Variants in PDSS2 observed in about 807,000 individuals in gnomAD.
PDSS2 encodes the protein all trans-polyprenyl-diphosphate synthase PDSS2.
A neutral mutation model predicts 44.5 loss-of-function variants in PDSS2; 31 were observed. The observed-to-expected ratio is 0.70, with a 90% CI of 0.52 to 0.94. The LOEUF (loss-of-function observed/expected upper bound fraction) is 0.94, where lower values mean the gene tolerates loss of function less well. PDSS2 is among the 40% of genes least tolerant of loss of function. The pLI, the probability that PDSS2 is intolerant of heterozygous loss-of-function variation, is 0.00. For synonymous variants in PDSS2, 157 were observed against 180.3 expected (o/e 0.87, Z 1.03); for missense variants, 452 against 482.2 (o/e 0.94, Z 0.59).
intron 4 of PDSS2, among the ~76,000 whole-genome samples, chr6:107,229,507 T>C (rs1773963561): frequency 6.6e-6 from 1 of 152,154 alleles, no homozygotes; most frequent in African/African-American, 2.4e-5. Context: ...TCTAATCTAC[T>C]AAATAAAACT....
intron 1 of PDSS2, among the ~76,000 whole-genome samples, chr6:107,422,579 G>C (rs575430190): frequency 6.6e-6 from 1 of 151,810 alleles, no homozygotes; most frequent in East Asian, 1.9e-4. Context: ...AAAAAAAAGA[G>C]GATAATTAAC....
chr6:107,257,444 G>A (rs1333036769), intron 3 of PDSS2, among the ~76,000 whole-genome samples: 1 of 151,824 alleles, frequency 6.6e-6, no homozygotes, highest in Non-Finnish European at 1.5e-5. Flanking sequence ...AGGCTGAGGT[G>A]GAGGATTACC....
chr6:107,324,053 C>A (rs1169559136), intron 2 of PDSS2, among the ~76,000 whole-genome samples: 1 of 152,106 alleles, frequency 6.6e-6, no homozygotes, highest in Non-Finnish European at 1.5e-5. Context: ...TGACTTCTGA[C>A]GTACAGTATG....
intron 1 of PDSS2, among the ~76,000 whole-genome samples, chr6:107,376,934 C>T (rs1275252660): frequency 6.6e-6 from 1 of 151,714 alleles, no homozygotes; most frequent in Admixed American, 6.6e-5. Context: ...CCATAAAAAC[C>T]CTAGAAGAAA....
chr6:107,247,622 C>T (rs1180174954), intron 3 of PDSS2, among the ~76,000 whole-genome samples: 1 of 152,104 alleles, frequency 6.6e-6, no homozygotes, highest in Non-Finnish European at 1.5e-5. Context: ...GAAGTTGAAA[C>T]TGTTCCAGAT....
intron 1 of PDSS2, among the ~76,000 whole-genome samples, chr6:107,363,112 A>G (rs945689768): frequency 5.9e-5 from 9 of 152,232 alleles, no homozygotes; most frequent in Non-Finnish European, 1.0e-4. Context: ...GGCACAGAAA[A>G]TACTTGAAAA....
At chr6:107,440,616 C>T (rs1781486129) in intron 1 of PDSS2, among the ~76,000 whole-genome samples, 1 of 152,172 alleles carries the variant, frequency 6.6e-6, no homozygotes, top group South Asian at 2.1e-4. Context: ...AGGTTTTGTG[C>T]CCAGGGAAAG....
intron 1 of PDSS2, among the ~76,000 whole-genome samples, chr6:107,447,314 C>A (rs1167614976): frequency 1.3e-5 from 2 of 151,906 alleles, no homozygotes; most frequent in Non-Finnish European, 2.9e-5. Context: ...CCAGCCTGGG[C>A]GACAGAGTGA....
chr6:107,431,652 G>C (rs552073735), intron 1 of PDSS2, among the ~76,000 whole-genome samples: 2 of 151,862 alleles, frequency 1.3e-5, no homozygotes, highest in South Asian at 4.2e-4. Flanking sequence ...TATTTTTGTG[G>C]GTTCCTAAAA....
At chr6:107,337,245 G>A (rs1455926579) in intron 1 of PDSS2, among the ~76,000 whole-genome samples, 1 of 152,142 alleles carries the variant, frequency 6.6e-6, no homozygotes, top group African/African-American at 2.4e-5. Context: ...ATGAGGCACA[G>A]AGAGAAATCA....
intron 1 of PDSS2, among the ~76,000 whole-genome samples, chr6:107,362,398 A>C (rs552907552): frequency 9.2e-5 from 14 of 152,346 alleles, no homozygotes; most frequent in African/African-American, 3.4e-4. Flanking sequence ...TTGGTTGATC[A>C]CTAAGCTATG....
intron 1 of PDSS2, among the ~76,000 whole-genome samples, chr6:107,425,786 C>T (rs1780980568): frequency 6.6e-6 from 1 of 152,100 alleles, no homozygotes; most frequent in South Asian, 2.1e-4. Context: ...ATGGTGAAAC[C>T]CTGTCTCTAC....
intron 3 of PDSS2, among the ~76,000 whole-genome samples, chr6:107,266,360 T>C (rs1775410878): frequency 1.3e-5 from 2 of 151,526 alleles, no homozygotes; most frequent in East Asian, 3.9e-4. Context: ...TCTTAAGGTC[T>C]TTCACAAAAA....
intron 1 of PDSS2, among the ~76,000 whole-genome samples, chr6:107,377,331 A>G (rs1055583969): frequency 6.6e-6 from 1 of 152,232 alleles, no homozygotes; most frequent in East Asian, 1.9e-4. Context: ...CAAAACCACA[A>G]TAACATACCA....
chr6:107,153,567 C>T lies in PDSS2; in HGVS notation c.*1052G>A, dbSNP rs1385009752. ...TCACTTGAAAAAAAGCTCCTTTTTC[C>T]TTAAAGAAAAAAAAAATTTGGTTCT... On this transcript the variant is annotated 3_prime_UTR_variant, in exon 8 of 8. Coordinates refer to ENST00000369037, the MANE Select transcript of PDSS2 (RefSeq NM_020381.4). The T allele has an allele frequency of 1.3e-5, 2 of 151,964 alleles. No individual in the cohort carries two copies. Among genetic ancestry groups the T allele is most frequent in the Non-Finnish European group, 1.5e-5 (1 of 67,896 alleles). The allele number at this position is 151,964 out of a possible 1,614,324, so 9.4% of individuals were successfully genotyped here.
chr6:107,442,217 G>A (rs1271347117), intron 1 of PDSS2, among the ~76,000 whole-genome samples: 2 of 152,146 alleles, frequency 1.3e-5, no homozygotes, highest in Non-Finnish European at 2.9e-5. Flanking sequence ...AGGAGTTCAA[G>A]ACCAGCCTGA....
At chr6:107,404,940 A>C (rs1168180435) in intron 1 of PDSS2, among the ~76,000 whole-genome samples, 1 of 152,224 alleles carries the variant, frequency 6.6e-6, no homozygotes, top group Admixed American at 6.5e-5. Context: ...ACAAATTCCA[A>C]GCAAATACAT....
chr6:107,411,664 T>G (rs1348719801), intron 1 of PDSS2, among the ~76,000 whole-genome samples: 1 of 152,130 alleles, frequency 6.6e-6, no homozygotes. Flanking sequence ...CAATATAGTT[T>G]TACAACGATT....
intron 7 of PDSS2, among the ~76,000 whole-genome samples, chr6:107,160,651 T>TTGA (rs1297877074): frequency 6.8e-6 from 1 of 146,794 alleles, no homozygotes; most frequent in Non-Finnish European, 1.5e-5. Context: ...CCTCGGCCAG[T>TTGA]TGATGTCTTG....
Sources: allele counts gnomAD v4.1 joint callset (sites outside exome capture counted in the v4.1 genomes callset), GRCh38; gene constraint gnomAD v4.1.1; transcripts MANE v1.5; gene names NCBI Gene and HGNC (gene_info 2026-07-23, HGNC 2026-07-21).